The following RBMS1 variants were observed in gnomAD, a reference collection of about 807,000 sequenced individuals.
RBMS1 encodes RNA-binding motif, single-stranded-interacting protein 1.
RBMS1 carries 17 observed loss-of-function variants against 62.3 expected under a neutral mutation model. The ratio of observed to expected loss-of-function variants is 0.27; its 90% CI spans 0.19 to 0.41. RBMS1 has a LOEUF of 0.41. RBMS1 is among the 10% of genes least tolerant of loss of function. The pLI is 1.00. For missense variants in RBMS1, 334 were observed against 504.5 expected (o/e 0.66, Z 3.24); for synonymous variants, 172 against 170.0 (o/e 1.01, Z -0.09).
intron 2 of RBMS1, among the ~76,000 whole-genome samples, chr2:160,327,154 T>G (rs1255026755): frequency 6.6e-6 from 1 of 152,216 alleles, no homozygotes; most frequent in Non-Finnish European, 1.5e-5. Flanking sequence ...TACAGACATC[T>G]ACATACCTGA....
rs1486402984 is a variant in RBMS1, at chr2:160,287,986, C to CA, written c.641-903dup. ...ATTCTTCTTACAGAATCCATGAGGC[C>CA]AAAACAGAAAAGCAGAAGATGTAGA... is the stretch of plus-strand genomic sequence containing the variant. On this transcript the variant is annotated intron_variant, in intron 6 of 13. Coordinates refer to ENST00000348849, the MANE Select transcript of RBMS1 (RefSeq NM_016836.4). Among the ~76,000 whole-genome samples, 4 of 147,304 alleles carry CA rather than the reference C, an allele frequency of 2.7e-5. No homozygotes were observed. In the East Asian group the frequency reaches 7.8e-4, roughly 29 times the overall value.
At chr2:160,356,626 A>G (rs555906542) in intron 2 of RBMS1, among the ~76,000 whole-genome samples, 7 of 152,252 alleles carry the variant, frequency 4.6e-5, no homozygotes, top group African/African-American at 1.7e-4. Context: ...AATATCTTTC[A>G]ACTTCATTTT....
intron 2 of RBMS1, among the ~76,000 whole-genome samples, chr2:160,336,722 G>A (rs1434235603): frequency 1.3e-5 from 2 of 151,888 alleles, no homozygotes; most frequent in African/African-American, 4.8e-5. Context: ...GAAATCCAGT[G>A]TGTATTTTAT....
rs146729279 is a variant in RBMS1, at chr2:160,277,000, C to T, written c.1143+303G>A. On this transcript the variant is annotated intron_variant, in intron 12 of 13. Transcript: ENST00000348849. Reference sequence around the variant, plus strand: ...TCAAGGGTTCTTCCTGCCTCATACTCCTGAGTAGCTGGGACTACAGGTCCA... The same window carrying T: ...TCAAGGGTTCTTCCTGCCTCATACTTCTGAGTAGCTGGGACTACAGGTCCA... Among the ~76,000 whole-genome samples the T allele has an allele frequency of 6.6e-5, 10 of 152,256 alleles. No individual in the cohort carries two copies. The East Asian group carries it at 1.5e-3, about 24-fold the overall frequency.
intron 1 of RBMS1, among the ~76,000 whole-genome samples, chr2:160,403,490 C>T (rs1306289416): frequency 6.6e-6 from 1 of 152,152 alleles, no homozygotes; most frequent in East Asian, 1.9e-4. Context: ...CTAAACAAGG[C>T]CAAACACTGA....
chr2:160,302,281 A>C (rs987292508), intron 5 of RBMS1, among the ~76,000 whole-genome samples: 7 of 151,726 alleles, frequency 4.6e-5, no homozygotes, highest in Non-Finnish European at 1.0e-4. Flanking sequence ...TGTATCCTCC[A>C]ATTCCTGGGC....
At chr2:160,357,183 T>C (rs551488263) in intron 2 of RBMS1, among the ~76,000 whole-genome samples, 17 of 152,256 alleles carry the variant, frequency 1.1e-4, no homozygotes, top group Non-Finnish European at 2.1e-4. Context: ...AGGATGTAAA[T>C]ACTATCTTCA....
Position 160,334,985 on chromosome 2 carries a change from C to T in RBMS1, c.252-16758G>A, listed in dbSNP as rs1021047582. Reference sequence around the variant, plus strand: ...ATCTCAGAAACAAAAAGGTCAAAACCCTTCAGCTCATCACATAATAAAAGC... The same window carrying T: ...ATCTCAGAAACAAAAAGGTCAAAACTCTTCAGCTCATCACATAATAAAAGC... On this transcript the variant is annotated intron_variant, in intron 2 of 13. Coordinates refer to ENST00000348849, the MANE Select transcript of RBMS1 (RefSeq NM_016836.4). Among the ~76,000 whole-genome samples, 3 of 151,236 alleles carry T rather than the reference C, an allele frequency of 2.0e-5. No homozygotes were observed. The South Asian group carries it at 6.3e-4, about 32-fold the overall frequency.
chr2:160,294,120 C>T (rs1688816924), intron 6 of RBMS1, among the ~76,000 whole-genome samples: 1 of 152,134 alleles, frequency 6.6e-6, no homozygotes, highest in Non-Finnish European at 1.5e-5. Flanking sequence ...AACAAGCCAC[C>T]TCCAATATTT....
At chr2:160,442,346 AT>A (rs11436208) in intron 1 of RBMS1, among the ~76,000 whole-genome samples, 1 of 151,842 alleles carries the variant, frequency 6.6e-6, no homozygotes, top group Admixed American at 6.6e-5. Context: ...ATAAAATTTC[AT>A]TTTTTTCCCA....
chr2:160,476,551 CTT>C (rs755429434), intron 1 of RBMS1, among the ~76,000 whole-genome samples: 9 of 111,284 alleles, frequency 8.1e-5, no homozygotes, highest in African/African-American at 2.0e-4. Flanking sequence ...AAACACACTT[CTT>C]TTTTTTTTTT....
chr2:160,314,151 A>G (rs1421215014), intron 3 of RBMS1, among the ~76,000 whole-genome samples: 2 of 152,198 alleles, frequency 1.3e-5, no homozygotes, highest in African/African-American at 2.4e-5. Context: ...AACTATGCAA[A>G]GAATAGGACT....
rs550258173 is a variant in RBMS1 at position 160,348,301 on chromosome 2, C to T, written c.251+18915G>A. Among the ~76,000 whole-genome samples, 4 of 152,192 alleles carry T rather than the reference C, an allele frequency of 2.6e-5. No individual in the cohort carries two copies. The East Asian group carries it at 5.8e-4, about 22-fold the overall frequency. ...TGAAAAGTTTCTGGTTGATGTTTTT[C>T]ATTTACTTACAAGAATAAAAATGAC... On this transcript the variant is annotated intron_variant, in intron 2 of 13. Coordinates refer to ENST00000348849, the MANE Select transcript of RBMS1 (RefSeq NM_016836.4).
At chr2:160,326,925 A>C (rs920304778) in intron 2 of RBMS1, among the ~76,000 whole-genome samples, 4 of 152,230 alleles carry the variant, frequency 2.6e-5, no homozygotes, top group African/African-American at 9.6e-5. Flanking sequence ...GGGGAAAAAG[A>C]ATCACAAAGT....
chr2:160,357,367 G>T (rs1343356119), intron 2 of RBMS1, among the ~76,000 whole-genome samples: 1 of 152,004 alleles, frequency 6.6e-6, no homozygotes, highest in African/African-American at 2.4e-5. Context: ...TCATGCCTAG[G>T]AGTAACAAAA....
chr2:160,284,932 G>T, intron 8 of RBMS1, 63 bp downstream of exon 8: 1 of 1,570,258 alleles, frequency 6.4e-7, no homozygotes, highest in Non-Finnish European at 8.8e-7. Context: ...TGGAACAAAT[G>T]TCTGATATTT....
intron 1 of RBMS1, among the ~76,000 whole-genome samples, chr2:160,457,422 G>A (rs988338904): frequency 6.6e-6 from 1 of 152,156 alleles, no homozygotes; most frequent in African/African-American, 2.4e-5. Flanking sequence ...GAGCCACCGC[G>A]CGGTATCCTC....
chr2:160,471,074 T>A (rs1250421466), intron 1 of RBMS1, among the ~76,000 whole-genome samples: 1 of 152,184 alleles, frequency 6.6e-6, no homozygotes, highest in African/African-American at 2.4e-5. Context: ...TGATCTTCAA[T>A]ATCCATAAGC....
rs530480483 is a variant in RBMS1 at position 160,342,881 on chromosome 2, T to C, written c.251+24335A>G. On this transcript the variant is annotated intron_variant, in intron 2 of 13. Coordinates refer to ENST00000348849, the MANE Select transcript of RBMS1 (RefSeq NM_016836.4). Reference sequence around the variant, plus strand: ...TGAACCCGGAAAGCGGAGGTTGCAGTGAGCTGAGATCATGCCATCGCATTC... The same window carrying C: ...TGAACCCGGAAAGCGGAGGTTGCAGCGAGCTGAGATCATGCCATCGCATTC... Among the ~76,000 whole-genome samples the C allele has an allele frequency of 1.8e-4, 28 of 151,978 alleles. 1 individual carries two copies. Among genetic ancestry groups the C allele is most frequent in the Non-Finnish European group, 2.9e-4 (20 of 67,974 alleles).
Sources: allele counts gnomAD v4.1 joint callset (sites outside exome capture counted in the v4.1 genomes callset), GRCh38; gene constraint gnomAD v4.1.1; transcripts MANE v1.5; gene names NCBI Gene and HGNC (gene_info 2026-07-23, HGNC 2026-07-21).